Variants in SEMA3D observed in about 807,000 individuals in gnomAD.
The protein encoded by SEMA3D is semaphorin 3D, also known as semaphorin-3D.
A neutral mutation model predicts 100.1 loss-of-function variants in SEMA3D; 84 were observed. That is an observed-to-expected ratio of 0.84 (90% CI 0.70 to 1.01). The LOEUF is 1.01. Ranked by LOEUF, SEMA3D falls within the 50% of genes least tolerant of loss-of-function variation. SEMA3D has a pLI of 0.00. For missense variants in SEMA3D, 875 were observed against 934.1 expected (o/e 0.94, Z 0.82); for synonymous variants, 312 against 320.7 (o/e 0.97, Z 0.29).
At chr7:85,109,797 G>A (rs1789041653) in intron 3 of SEMA3D, among the ~76,000 whole-genome samples, 1 of 151,778 alleles carries the variant, frequency 6.6e-6, no homozygotes, top group East Asian at 1.9e-4. Flanking sequence ...CCTTTAATAA[G>A]GCTCAAGAAA....
intron 5 of SEMA3D, among the ~76,000 whole-genome samples, chr7:85,081,069 T>C (rs1044338461): frequency 6.6e-6 from 1 of 152,186 alleles, no homozygotes; most frequent in African/African-American, 2.4e-5. Context: ...ATAAAGGAAT[T>C]CTTATAGATA....
chr7:85,049,394 G>C (rs967769090), intron 9 of SEMA3D, among the ~76,000 whole-genome samples: 4 of 151,550 alleles, frequency 2.6e-5, no homozygotes, highest in African/African-American at 9.7e-5. Flanking sequence ...GGAAATACAG[G>C]ACTGGTGTAA....
At chr7:85,183,289 A>C (rs2116583398) in intron 1 of SEMA3D, among the ~76,000 whole-genome samples, 1 of 152,268 alleles carries the variant, frequency 6.6e-6, no homozygotes, top group Non-Finnish European at 1.5e-5. Context: ...ATATCCATGC[A>C]ATGGATTGAG....
chr7:85,203,948 A>C, the SEMA3D span, among the ~76,000 whole-genome samples: 3 of 152,144 alleles, frequency 2.0e-5, no homozygotes, highest in Non-Finnish European at 2.9e-5. Context: ...ATTATTCCAT[A>C]TTCCAAGGTA....
At position 85,055,746 on chromosome 7, in the gene SEMA3D, T is replaced by C. The variant is rs750635014; in HGVS notation, c.832A>G (p.Ile278Val). Residue 278 changes from isoleucine to valine, a missense_variant, in exon 9 of 19, where the codon ATC becomes GTC. Ile to Val is a conservative substitution (Grantham distance 29, BLOSUM62 3). Transcript: ENST00000284136. The stretch of plus-strand genomic sequence containing the variant: ...CAAACTCTTCCAACTCGAGAAAGGA[T>C]GGTTTTATCGGAGGTACTGCCTTCT... ...SQEGSTSDKT[I>V]LSRVGRVCKN... 4 of 1,534,056 alleles carry C rather than the reference T, an allele frequency of 2.6e-6. No individual in the cohort carries two copies. In the Admixed American group the frequency reaches 5.3e-5, roughly 20 times the overall value.
At chr7:85,013,006 T>A (rs950901066) in intron 16 of SEMA3D, among the ~76,000 whole-genome samples, 160 bp from the exon 17 acceptor site, 3 of 151,812 alleles carry the variant, frequency 2.0e-5, no homozygotes, top group African/African-American at 7.3e-5. Flanking sequence ...AACATTGATT[T>A]AAAAAACTAC....
intron 3 of SEMA3D, among the ~76,000 whole-genome samples, chr7:85,117,665 C>T (rs1440577327): frequency 6.6e-6 from 1 of 151,894 alleles, no homozygotes; most frequent in Non-Finnish European, 1.5e-5. Context: ...CCCAGCTACT[C>T]AGGAGGCTGA....
At chr7:85,015,295 T>A (rs1350488152) in intron 15 of SEMA3D, 79 bp from the exon 16 acceptor site, 2 of 1,334,244 alleles carry the variant, frequency 1.5e-6, no homozygotes, top group African/African-American at 1.5e-5. Flanking sequence ...GAATATCACA[T>A]AATACATATA....
the SEMA3D span, among the ~76,000 whole-genome samples, chr7:85,207,083 C>T: frequency 2.6e-5 from 4 of 151,998 alleles, no homozygotes; most frequent in South Asian, 2.1e-4. Context: ...ATCAACTTGT[C>T]CTAGACAAGA....
intron 9 of SEMA3D, among the ~76,000 whole-genome samples, chr7:85,048,721 C>A (rs1791076792): frequency 1.3e-5 from 2 of 151,684 alleles, no homozygotes; most frequent in African/African-American, 4.8e-5. Flanking sequence ...AGGATCTGAC[C>A]ACTAAAAAAT....
intron 1 of SEMA3D, among the ~76,000 whole-genome samples, chr7:85,164,757 T>C (rs1790849424): frequency 6.6e-6 from 1 of 152,128 alleles, no homozygotes; most frequent in Non-Finnish European, 1.5e-5. Context: ...ATGTTGACAG[T>C]AGGAAATTTC....
intron 13 of SEMA3D, among the ~76,000 whole-genome samples, chr7:85,020,804 C>G (rs1790233958): frequency 6.6e-6 from 1 of 151,374 alleles, no homozygotes; most frequent in Non-Finnish European, 1.5e-5. Context: ...ATCATTGAAG[C>G]TATCTGAGGG....
chr7:85,142,379 C>G, intron 2 of SEMA3D: 1 of 904,200 alleles, frequency 1.1e-6, no homozygotes, highest in Non-Finnish European at 1.3e-6. Flanking sequence ...TTTCTCTAGA[C>G]ATGAAATTAT....
intron 1 of SEMA3D, among the ~76,000 whole-genome samples, chr7:85,175,900 A>C (rs1305990689): frequency 6.6e-6 from 1 of 152,096 alleles, no homozygotes; most frequent in Admixed American, 6.6e-5. Flanking sequence ...AATATATATA[A>C]AACTGCAAAA....
At chr7:85,218,517 A>C in the SEMA3D span, among the ~76,000 whole-genome samples, 1 of 152,058 alleles carries the variant, frequency 6.6e-6, no homozygotes, top group Non-Finnish European at 1.5e-5. Context: ...ATGAGATTAT[A>C]ATTGACTTTA....
At chr7:85,063,875 C>T (rs1791542116) in intron 8 of SEMA3D, among the ~76,000 whole-genome samples, 2 of 152,186 alleles carry the variant, frequency 1.3e-5, no homozygotes, top group African/African-American at 4.8e-5. Flanking sequence ...AGGCGTTCAT[C>T]ATCCCTGAGG....
chr7:85,024,487 A>G (rs1249341521), intron 12 of SEMA3D, among the ~76,000 whole-genome samples: 1 of 152,030 alleles, frequency 6.6e-6, no homozygotes, highest in African/African-American at 2.4e-5. Context: ...AGTATAGCTG[A>G]ATGAAAATAT....
intron 12 of SEMA3D, among the ~76,000 whole-genome samples, chr7:85,030,370 A>AC (rs1481197654): frequency 1.3e-5 from 2 of 152,130 alleles, no homozygotes; most frequent in East Asian, 3.9e-4. Flanking sequence ...TTTATTTCCC[A>AC]CCAAAAAATG....
the SEMA3D span, among the ~76,000 whole-genome samples, chr7:85,214,332 A>C: frequency 6.6e-6 from 1 of 152,254 alleles, no homozygotes; most frequent in South Asian, 2.1e-4. Flanking sequence ...ATTGTAATAA[A>C]GTGTTTGCAC....
Sources: gnomAD v4.1 joint callset for allele counts (sites outside exome capture counted in the v4.1 genomes callset) on GRCh38, gnomAD v4.1.1 for gene constraint, MANE v1.5 for transcripts, NCBI Gene and HGNC (gene_info 2026-07-23, HGNC 2026-07-21) for gene names.